The following CHD9 variants were observed in gnomAD, a reference collection of about 807,000 sequenced individuals.
CHD9 encodes the protein chromodomain helicase DNA binding protein 9.
In CHD9, 77 loss-of-function variants were observed where a neutral mutation model predicts 316.1. The observed-to-expected ratio is 0.24, with a 90% CI of 0.20 to 0.29. CHD9 has a LOEUF of 0.29. Among genes scored for constraint, CHD9 ranks in the 10% least tolerant of loss-of-function variants. The probability of loss-of-function intolerance (pLI) is 1.00; values close to 1 mark genes in which losing one functional copy is unlikely to be tolerated. For synonymous variants in CHD9, 1,129 were observed against 1,158.3 expected (o/e 0.97, Z 0.51); for missense variants, 2,763 against 3,438.1 (o/e 0.80, Z 4.91).
Position 53,326,927 on chromosome 16 carries a change from A to T in CHD9, c.*2032A>T, listed in dbSNP as rs1229962772. ...ATCTTGTCACTAAAATCTAATTTAT[A>T]TCAAATTTATGAGAGAAAGTATTTT... On this transcript the variant is annotated 3_prime_UTR_variant, in exon 39 of 39. Transcript: ENST00000447540. 1.3e-5 allele frequency: 2 copies of T among 152,156 alleles called. No homozygotes were observed. The highest frequency in any genetic ancestry group is 4.8e-5 in the African/African-American group (2 of 41,400). 9.4% of individuals were successfully genotyped at this position (152,156 alleles called of 1,614,324 possible).
intron 1 of CHD9, among the ~76,000 whole-genome samples, chr16:53,131,752 A>G (rs543086528): frequency 2.8e-4 from 42 of 151,828 alleles, no homozygotes; most frequent in Non-Finnish European, 5.6e-4. Flanking sequence ...GAGTCATGAC[A>G]GGGCGTCCCG....
intron 1 of CHD9, among the ~76,000 whole-genome samples, chr16:53,151,022 G>A (rs1267995061): frequency 1.3e-5 from 2 of 152,030 alleles, no homozygotes; most frequent in Non-Finnish European, 2.9e-5. Flanking sequence ...CAAATTTGGG[G>A]AGTTTGGGGC....
intron 1 of CHD9, among the ~76,000 whole-genome samples, chr16:53,083,024 G>A (rs953455553): frequency 6.6e-6 from 1 of 152,142 alleles, no homozygotes; most frequent in Non-Finnish European, 1.5e-5. Context: ...TGTAACCTTG[G>A]TACATATCAC....
At chr16:53,234,922 A>C (rs2048495669) in intron 10 of CHD9, among the ~76,000 whole-genome samples, 1 of 151,828 alleles carries the variant, frequency 6.6e-6, no homozygotes, top group Non-Finnish European at 1.5e-5. Context: ...TTCGTGAGGG[A>C]CATTGGTCTG....
intron 23 of CHD9, 95 bp from the exon 24 acceptor site, chr16:53,274,118 C>A (rs2052559833): frequency 2.6e-6 from 2 of 768,626 alleles, no homozygotes; most frequent in Non-Finnish European, 4.5e-6. Flanking sequence ...ATTTTAAAAT[C>A]TGTACACAAA....
rs375905947 is a variant in CHD9 at position 53,324,758 on chromosome 16, G to A, written c.8557G>A (p.Glu2853Lys). 4.4e-5 allele frequency: 71 copies of A among 1,613,288 alleles called. No individual in the cohort carries two copies. Among genetic ancestry groups the A allele is most frequent in the Non-Finnish European group, 5.9e-5 (70 of 1,179,676 alleles). Reference sequence around the variant, plus strand: ...AGAAGATTCCAGAATTAAAGATCAGGAAGACAAAGGAGGAACTGAACCAAG... The same window carrying A: ...AGAAGATTCCAGAATTAAAGATCAGAAAGACAAAGGAGGAACTGAACCAAG... ...KEEDSRIKDQEDKGGTEPSPL... is the reference protein window; with the variant it reads ...KEEDSRIKDQKDKGGTEPSPL... Residue 2853 changes from glutamate to lysine, a missense_variant, in exon 39 of 39, where the codon GAA (glutamate) becomes AAA (lysine). By Grantham distance (56) the Glu-to-Lys change is moderately conservative. Transcript: ENST00000447540.
chr16:53,235,110 TA>T, intron 10 of CHD9, 74 bp from the exon 11 acceptor site: 1 of 1,275,724 alleles, frequency 7.8e-7, no homozygotes, highest in Non-Finnish European at 1.1e-6. Flanking sequence ...GGGTTATTTT[TA>T]AACCAATGCT....
Position 53,235,171 on chromosome 16 carries a change from G to GT in CHD9, c.2512-9dup. ...AAGATTTAAACACCATTCATTCTTT[G>GT]TTTTTCCACAAAGGACCGTCCTCCT... On this transcript the variant is annotated splice_polypyrimidine_tract_variant and intron_variant, in intron 10 of 38. Coordinates refer to ENST00000447540, the MANE Select transcript of CHD9 (RefSeq NM_001308319.2). 3 of 1,549,300 alleles carry GT rather than the reference G, an allele frequency of 1.9e-6. No homozygotes were observed. The highest frequency in any genetic ancestry group is 2.6e-6 in the Non-Finnish European group (3 of 1,145,918).
At chr16:53,318,417 T>A in intron 37 of CHD9, 77 bp downstream of exon 37, 1 of 1,137,788 alleles carries the variant, frequency 8.8e-7, no homozygotes, top group Non-Finnish European at 1.2e-6. Flanking sequence ...TTTCATTATG[T>A]GGTGGTGTTT....
Position 53,325,463 on chromosome 16 carries a change from T to G in CHD9, c.*568T>G, listed in dbSNP as rs987292119. ...GAAATAAGTTTCCCAATCAGCCAAT[T>G]TAACTGGCTACCTGTTACCTCAGCT... On this transcript the variant is annotated 3_prime_UTR_variant, in exon 39 of 39. Coordinates refer to ENST00000447540, the MANE Select transcript of CHD9 (RefSeq NM_001308319.2). 1 of 152,660 alleles carries G rather than the reference T, an allele frequency of 6.6e-6. No individual in the cohort carries two copies. The highest frequency in any genetic ancestry group is 1.5e-5 in the Non-Finnish European group (1 of 68,032). 9.5% of individuals were successfully genotyped at this position (152,660 alleles called of 1,614,324 possible).
At chr16:53,066,931 T>C (rs1339922454) in intron 1 of CHD9, among the ~76,000 whole-genome samples, 1 of 152,048 alleles carries the variant, frequency 6.6e-6, no homozygotes, top group South Asian at 2.1e-4. Context: ...CCACATCCAA[T>C]TTCCCCTATT....
intron 1 of CHD9, among the ~76,000 whole-genome samples, chr16:53,101,180 T>C (rs1387200879): frequency 2.0e-5 from 3 of 152,160 alleles, no homozygotes; most frequent in African/African-American, 7.2e-5. Flanking sequence ...TCTTATTCCT[T>C]TATATCAAGA....
chr16:53,250,277 C>G (rs1035866096), intron 17 of CHD9: 3 of 521,822 alleles, frequency 5.7e-6, no homozygotes, highest in Non-Finnish European at 1.0e-5. Context: ...ATATGTCTCA[C>G]TAACTTATAT....
In CHD9 at chr16:53,308,754, C is replaced by T. The variant is rs375702798; in HGVS notation, c.7122C>T (p.Asp2374=). The change falls in exon 34 of 39, where the codon GAC becomes GAT. Residue 2374 remains aspartate (D), a synonymous_variant. Transcript: ENST00000447540. ...LAQKRPFDGE[D]GALGQQQYLT... ...AGAAAAGACCATTTGATGGTGAAGA[C>T]GGTGCTCTGGGGCAGCAGCAGTACC... 1.2e-6 allele frequency: 2 copies of T among 1,613,180 alleles called. No individual in the cohort carries two copies. The highest frequency in any genetic ancestry group is 1.1e-5 in the South Asian group (1 of 90,952).
At chr16:53,293,845 G>C (rs999319431) in intron 29 of CHD9, among the ~76,000 whole-genome samples, 1 of 152,116 alleles carries the variant, frequency 6.6e-6, no homozygotes, top group African/African-American at 2.4e-5. Flanking sequence ...CTACTTGGGA[G>C]GCTGAGGCAT....
At chr16:53,072,695 A>ATT (rs200256460) in intron 1 of CHD9, among the ~76,000 whole-genome samples, 2 of 150,334 alleles carry the variant, frequency 1.3e-5, no homozygotes, top group African/African-American at 4.9e-5. Context: ...TTATTTTTTT[A>ATT]TTTTTTTTAT....
intron 2 of CHD9, among the ~76,000 whole-genome samples, chr16:53,202,751 A>G (rs890477790): frequency 6.6e-5 from 10 of 152,172 alleles, no homozygotes; most frequent in Admixed American, 2.0e-4. Flanking sequence ...GTATCAATGC[A>G]AATTAAGATT....
At chr16:53,183,174 A>G (rs1371053021) in intron 2 of CHD9, among the ~76,000 whole-genome samples, 1 of 152,210 alleles carries the variant, frequency 6.6e-6, no homozygotes, top group Admixed American at 6.5e-5. Flanking sequence ...AAAAGTGTAG[A>G]AGGTAGTATA....
intron 2 of CHD9, among the ~76,000 whole-genome samples, chr16:53,168,140 C>T (rs1281046426): frequency 2.0e-4 from 31 of 152,040 alleles, no homozygotes; most frequent in Non-Finnish European, 4.4e-5. Flanking sequence ...CAGCTCATTG[C>T]AACCTCCGCC....
Sources: gnomAD v4.1 joint callset for allele counts (sites outside exome capture counted in the v4.1 genomes callset) on GRCh38, gnomAD v4.1.1 for gene constraint, MANE v1.5 for transcripts, NCBI Gene and HGNC (gene_info 2026-07-23, HGNC 2026-07-21) for gene names.